PTGER3: variants seen among roughly 807,000 people sequenced by gnomAD.
PTGER3 encodes the protein prostaglandin E2 receptor EP3 subtype.
PTGER3 carries 22 observed loss-of-function variants against 34.7 expected under a neutral mutation model. The observed-to-expected ratio is 0.63, with a 90% CI of 0.45 to 0.91. PTGER3 has a LOEUF of 0.91. PTGER3 is among the 40% of genes least tolerant of loss of function. The pLI is 0.00. For synonymous variants in PTGER3, 241 were observed against 230.1 expected (o/e 1.05, Z -0.43); for missense variants, 468 against 519.4 (o/e 0.90, Z 0.96).
intron 4 of PTGER3, among the ~76,000 whole-genome samples, chr1:70,928,915 C>CAT (rs1031925863): frequency 6.6e-6 from 1 of 151,482 alleles, no homozygotes; most frequent in African/African-American, 2.4e-5. Context: ...TACACACATA[C>CAT]ATATATATAA....
intron 4 of PTGER3, among the ~76,000 whole-genome samples, chr1:70,917,884 A>G (rs1647221959): frequency 6.6e-6 from 1 of 152,062 alleles, no homozygotes; most frequent in Non-Finnish European, 1.5e-5. Context: ...GCCAATTTTA[A>G]AAATGGAATT....
At chr1:70,938,380 C>T (rs1251650899) in intron 4 of PTGER3, among the ~76,000 whole-genome samples, 1 of 151,954 alleles carries the variant, frequency 6.6e-6, no homozygotes, top group Non-Finnish European at 1.5e-5. Flanking sequence ...ATAAAATGTA[C>T]TATAATGGTT....
At chr1:70,878,032 T>C (rs746509510) in intron 4 of PTGER3, among the ~76,000 whole-genome samples, 12 of 152,228 alleles carry the variant, frequency 7.9e-5, no homozygotes, top group Non-Finnish European at 1.3e-4. Flanking sequence ...TACCAGTTCT[T>C]CATTACAAAC....
At chr1:70,906,352 C>T (rs1001077792) in intron 4 of PTGER3, among the ~76,000 whole-genome samples, 5 of 152,142 alleles carry the variant, frequency 3.3e-5, no homozygotes, top group African/African-American at 9.7e-5. Context: ...ACAGATGTAA[C>T]AGTATATTAG....
chr1:71,015,275 T>A (rs1414615175), intron 1 of PTGER3, among the ~76,000 whole-genome samples: 2 of 152,094 alleles, frequency 1.3e-5, no homozygotes, highest in Admixed American at 1.3e-4. Context: ...CTAGCAGGCA[T>A]CCACATGTCC....
At chr1:71,008,855 T>G in intron 2 of PTGER3, 1 of 961,304 alleles carries the variant, frequency 1.0e-6, no homozygotes, top group Non-Finnish European at 1.2e-6. Flanking sequence ...AGGCTTTTTA[T>G]GTGTTTGTAA....
Position 70,994,600 on chromosome 1 carries a change from A to C in PTGER3, c.1077+17705T>G, listed in dbSNP as rs180957133. On this transcript the variant is annotated intron_variant, in intron 2 of 3. Transcript: ENST00000306666. ...AGCCTCCGGAGTAGCTGGGAGTACA[A>C]GTGTGCACCACCACGCCCGGCTAAT... Among the ~76,000 whole-genome samples, 96 of 151,834 alleles carry C rather than the reference A, an allele frequency of 6.3e-4. 1 individual carries two copies. The highest frequency in any genetic ancestry group is 2.2e-3 in the African/African-American group (91 of 41,416).
At chr1:71,041,768 G>A (rs1660332629) in intron 1 of PTGER3, among the ~76,000 whole-genome samples, 1 of 152,166 alleles carries the variant, frequency 6.6e-6, no homozygotes, top group African/African-American at 2.4e-5. Flanking sequence ...AGTGTTGTGA[G>A]GCATGAATGA....
chr1:70,888,217 A>C (rs1191562107), intron 4 of PTGER3, among the ~76,000 whole-genome samples: 1 of 152,168 alleles, frequency 6.6e-6, no homozygotes. Context: ...AAGGGGCATC[A>C]AAGTGATGGC....
rs144560676 is a variant in PTGER3, at chr1:70,974,194, T to G, written c.1169+103A>C. On this transcript the variant is annotated intron_variant, in intron 3 of 3. Coordinates refer to ENST00000306666, the MANE Select transcript of PTGER3 (RefSeq NM_198719.2). The stretch of plus-strand genomic sequence containing the variant: ...ATCAGATGTATATGTTTAATTTGCA[T>G]TTTAATTCTCAGAGATGGTCTGCCT... 3,171 of 1,459,794 alleles carry G rather than the reference T, an allele frequency of 2.2e-3. 67 individuals are homozygous for G. In the African/African-American group the frequency reaches 0.041, roughly 19 times the overall value. 90.4% of individuals were successfully genotyped at this position (1,459,794 alleles called of 1,614,324 possible).
intron 2 of PTGER3, among the ~76,000 whole-genome samples, chr1:70,975,406 G>C (rs891660538): frequency 6.6e-6 from 1 of 152,098 alleles, no homozygotes; most frequent in Admixed American, 6.5e-5. Flanking sequence ...ATAAGAAAAA[G>C]ACACAATAAA....
chr1:70,932,494 T>G (rs1648803999), intron 4 of PTGER3, among the ~76,000 whole-genome samples: 1 of 152,106 alleles, frequency 6.6e-6, no homozygotes, highest in African/African-American at 2.4e-5. Context: ...TTAATTGGAT[T>G]TACAGTGCTA....
chr1:70,901,881 A>C (rs1346987757), intron 4 of PTGER3, among the ~76,000 whole-genome samples: 1 of 152,156 alleles, frequency 6.6e-6, no homozygotes, highest in Non-Finnish European at 1.5e-5. Context: ...AGTAAAGAGA[A>C]AAACCAGTTT....
intron 4 of PTGER3, among the ~76,000 whole-genome samples, chr1:70,915,395 A>G (rs1454295520): frequency 6.6e-6 from 1 of 151,916 alleles, no homozygotes; most frequent in East Asian, 1.9e-4. Flanking sequence ...TAAGAATCAC[A>G]AAGACCTTAA....
chr1:70,966,386 C>G (rs1242203529), downstream of PTGER3, among the ~76,000 whole-genome samples: 1 of 151,720 alleles, frequency 6.6e-6, no homozygotes, highest in Non-Finnish European at 1.5e-5. Context: ...CCCCCAAAAC[C>G]TATAGAAATA....
intron 2 of PTGER3, among the ~76,000 whole-genome samples, chr1:70,999,172 C>A (rs960877801): frequency 3.9e-5 from 6 of 152,022 alleles, no homozygotes; most frequent in Non-Finnish European, 8.8e-5. Context: ...AGACAATGTA[C>A]AAAATAAGAC....
chr1:70,858,816 A>G (rs908894129), intron 4 of PTGER3, among the ~76,000 whole-genome samples: 1 of 152,170 alleles, frequency 6.6e-6, no homozygotes, highest in African/African-American at 2.4e-5. Flanking sequence ...TGTTTCAACT[A>G]CCTCACAGAG....
At chr1:71,043,649 T>C (rs1387263616) in intron 1 of PTGER3, among the ~76,000 whole-genome samples, 1 of 152,188 alleles carries the variant, frequency 6.6e-6, no homozygotes, top group African/African-American at 2.4e-5. Context: ...AAAAACAGCG[T>C]TAATCTCTCA....
intron 2 of PTGER3, chr1:71,008,356 T>G (rs1248984038): frequency 1.2e-6 from 1 of 860,380 alleles, no homozygotes; most frequent in Non-Finnish European, 1.4e-6. Flanking sequence ...CATAATGCAC[T>G]CTGCTTATGG....
Sources: allele counts gnomAD v4.1 joint callset (sites outside exome capture counted in the v4.1 genomes callset), GRCh38; gene constraint gnomAD v4.1.1; transcripts MANE v1.5; gene names NCBI Gene and HGNC (gene_info 2026-07-23, HGNC 2026-07-21).